SCRG1: variants seen among roughly 807,000 people sequenced by gnomAD.
SCRG1 encodes stimulator of chondrogenesis 1, also known as scrapie-responsive protein 1.
A neutral mutation model predicts 7.7 loss-of-function variants in SCRG1; 3 were observed. The ratio of observed to expected loss-of-function variants is 0.39; its 90% CI spans 0.18 to 1.01. The LOEUF is 1.01. Among genes scored for constraint, SCRG1 ranks in the 50% least tolerant of loss-of-function variants. SCRG1 has a pLI of 0.36. For synonymous variants in SCRG1, 46 were observed against 41.2 expected (o/e 1.12, Z -0.44); for missense variants, 110 against 117.2 (o/e 0.94, Z 0.28).
the SCRG1 span, among the ~76,000 whole-genome samples, chr4:173,484,414 AATATATATTATATATTATATACATATG>A: frequency 2.9e-3 from 183 of 62,900 alleles, no homozygotes; most frequent in Middle Eastern, 0.024. Flanking sequence ...ATATACATAT[AATATATATTATATATTATATACATATG>A]ATATATAATA....
chr4:173,432,078 A>G, the SCRG1 span, among the ~76,000 whole-genome samples: 1,840 of 152,338 alleles, frequency 0.012, 46 homozygotes, highest in African/African-American at 0.042. Flanking sequence ...TAACTTGATG[A>G]GGATCCATAT....
At chr4:173,413,085 C>T in the SCRG1 span, among the ~76,000 whole-genome samples, 8 of 151,906 alleles carry the variant, frequency 5.3e-5, no homozygotes, top group Admixed American at 5.2e-4. Flanking sequence ...TGCACAATTT[C>T]CTTTGGGTTG....
chr4:173,480,370 GT>G, the SCRG1 span, among the ~76,000 whole-genome samples: 2 of 147,746 alleles, frequency 1.4e-5, no homozygotes, highest in Admixed American at 6.8e-5. Flanking sequence ...TGTTTGTTTT[GT>G]TTTTTTTTAA....
chr4:173,493,172 G>T, the SCRG1 span, among the ~76,000 whole-genome samples: 11 of 152,184 alleles, frequency 7.2e-5, no homozygotes, highest in African/African-American at 2.6e-4. Context: ...ACATGTCAGG[G>T]GAGGGGCTTG....
chr4:173,409,671 C>A (rs1209225989), upstream of SCRG1, among the ~76,000 whole-genome samples: 3 of 151,276 alleles, frequency 2.0e-5, no homozygotes, highest in Non-Finnish European at 4.4e-5. Context: ...TCACTGCAAC[C>A]TCTGCCTCCC....
At chr4:173,449,627 C>T in the SCRG1 span, among the ~76,000 whole-genome samples, 1 of 152,132 alleles carries the variant, frequency 6.6e-6, no homozygotes, top group Admixed American at 6.5e-5. Context: ...GATTACACCT[C>T]CTACCTGATC....
At chr4:173,484,696 A>ATGT in the SCRG1 span, among the ~76,000 whole-genome samples, 1 of 98,622 alleles carries the variant, frequency 1.0e-5, no homozygotes, top group African/African-American at 4.3e-5. Context: ...ATTATATATT[A>ATGT]TATGCATATA....
At chr4:173,489,098 C>T in the SCRG1 span, among the ~76,000 whole-genome samples, 1 of 152,188 alleles carries the variant, frequency 6.6e-6, no homozygotes, top group East Asian at 1.9e-4. Flanking sequence ...ATTATTTCAT[C>T]ATCCACTGCC....
the SCRG1 span, among the ~76,000 whole-genome samples, chr4:173,479,725 C>A: frequency 6.6e-6 from 1 of 151,970 alleles, no homozygotes; most frequent in Non-Finnish European, 1.5e-5. Flanking sequence ...CAGGCGTGAG[C>A]CACCATGCCC....
chr4:173,402,462 A>C (rs1358676310), upstream of SCRG1, among the ~76,000 whole-genome samples: 2 of 152,040 alleles, frequency 1.3e-5, no homozygotes, highest in Non-Finnish European at 2.9e-5. Flanking sequence ...TTTAAAAAAA[A>C]AAAAACCTCC....
chr4:173,475,540 A>C, the SCRG1 span, among the ~76,000 whole-genome samples: 1 of 152,246 alleles, frequency 6.6e-6, no homozygotes, highest in Non-Finnish European at 1.5e-5. Context: ...TTAGCAATTA[A>C]ACAGAGAATT....
chr4:173,485,148 G>A, the SCRG1 span, among the ~76,000 whole-genome samples: 11,573 of 15,362 alleles, frequency 0.75, 4,768 homozygotes, highest in Non-Finnish European at 0.83. Context: ...TACATATAAT[G>A]TAATATATAA....
the SCRG1 span, among the ~76,000 whole-genome samples, chr4:173,458,938 C>G: frequency 2.0e-5 from 3 of 151,850 alleles, no homozygotes; most frequent in Admixed American, 2.0e-4. Flanking sequence ...CAGACAGAAA[C>G]AAAAAATAAG....
chr4:173,409,589 T>TC (rs35949895), upstream of SCRG1, among the ~76,000 whole-genome samples: 1 of 864 alleles, frequency 1.2e-3, no homozygotes, highest in Non-Finnish European at 0.011. Context: ...CCCTGCATAC[T>TC]TTTTTTTTTT....
the SCRG1 span, among the ~76,000 whole-genome samples, chr4:173,476,363 A>ATATATATATATATATATATATAT: frequency 4.1e-4 from 40 of 98,482 alleles, no homozygotes; most frequent in East Asian, 5.5e-3. Flanking sequence ...GGAAAAAAAA[A>ATATATATATATATATATATATAT]ATATATATAT....
At chr4:173,443,622 G>A in the SCRG1 span, among the ~76,000 whole-genome samples, 8 of 152,070 alleles carry the variant, frequency 5.3e-5, no homozygotes, top group Non-Finnish European at 1.2e-4. Flanking sequence ...TTAAGAGAAG[G>A]GGTCTTGCTA....
At chr4:173,473,951 T>G in the SCRG1 span, among the ~76,000 whole-genome samples, 149,633 of 152,322 alleles carry the variant, frequency 0.98, 73,554 homozygotes, top group Non-Finnish European at 1. Context: ...AGGCTGAGGT[T>G]GGTGGATGAC....
At chr4:173,456,033 C>T in the SCRG1 span, among the ~76,000 whole-genome samples, 1 of 152,234 alleles carries the variant, frequency 6.6e-6, no homozygotes. Context: ...AAGGGGAACC[C>T]GGTCTAATAG....
chr4:173,483,067 G>T, the SCRG1 span, among the ~76,000 whole-genome samples: 1 of 78,700 alleles, frequency 1.3e-5, no homozygotes, highest in African/African-American at 4.8e-5. Context: ...TATATTTCAT[G>T]TATATTTTAT....
Sources: gnomAD v4.1 joint callset for allele counts (sites outside exome capture counted in the v4.1 genomes callset) on GRCh38, gnomAD v4.1.1 for gene constraint, MANE v1.5 for transcripts, NCBI Gene and HGNC (gene_info 2026-07-23, HGNC 2026-07-21) for gene names.